Variants in LAMA1 observed in about 807,000 individuals in gnomAD.
LAMA1 encodes the protein laminin subunit alpha 1.
Under a neutral mutation model 348.7 loss-of-function variants are expected in LAMA1, and 219 were observed. The observed-to-expected ratio is 0.63, with a 90% confidence interval of 0.56 to 0.70. The LOEUF is 0.70. Among genes scored for constraint, LAMA1 ranks in the 30% least tolerant of loss-of-function variants. The pLI is 0.00. For missense variants in LAMA1, 3,744 were observed against 3,888.0 expected, an observed-to-expected ratio of 0.96 and a Z score of 0.99; for synonymous variants, 1,487 against 1,491.0, an observed-to-expected ratio of 1.00 and a Z score of 0.06.
chr18:6,979,790 T>A (rs1283800545), intron 42 of LAMA1, among the ~76,000 whole-genome samples: 1 of 151,922 alleles, frequency 6.6e-6, no homozygotes, highest in African/African-American at 2.4e-5. Context: ...TCCCAGCTAC[T>A]CGGGAGGCTG....
chr18:7,017,719 A>G (rs1296547028), intron 19 of LAMA1, among the ~76,000 whole-genome samples: 2 of 152,238 alleles, frequency 1.3e-5, no homozygotes, highest in African/African-American at 4.8e-5. Flanking sequence ...TTTCAAAATC[A>G]ACTTAGCCAT....
At chr18:6,997,365 T>C (rs1184011471) in intron 33 of LAMA1, among the ~76,000 whole-genome samples, 1 of 152,196 alleles carries the variant, frequency 6.6e-6, no homozygotes, top group Admixed American at 6.5e-5. Flanking sequence ...CCACCGTGCC[T>C]GGCCTATTTT....
At position 6,949,345 on chromosome 18, in the gene LAMA1, T is replaced by C. The variant is rs549186705; in HGVS notation, c.8398-86A>G. The C allele has an allele frequency of 1.2e-5, 15 of 1,294,996 alleles. No individual in the cohort carries two copies. In the South Asian group the frequency reaches 1.8e-4, roughly 16 times the overall value. The allele number at this position is 1,294,996 out of a possible 1,614,324, so 80.2% of individuals were successfully genotyped here. Reference sequence around the variant, plus strand: ...TATAAACTTTAACAGATGCAACATCTGTTTCTGAGAGCTATAACAACCTGA... The same window carrying C: ...TATAAACTTTAACAGATGCAACATCCGTTTCTGAGAGCTATAACAACCTGA... On this transcript the variant is annotated intron_variant, in intron 58 of 62. Transcript: ENST00000389658.
rs2057597190 is a variant in LAMA1 at position 6,959,464 on chromosome 18, C to A, written c.7655G>T (p.Gly2552Val). Residue 2552 changes from glycine (G) to valine (V), a missense_variant, in exon 54 of 63, where the codon GGC becomes GTC. This residue lies in a region of LAMA1 where 1,983 missense variants were observed against 1,934.3 expected (regional missense o/e 1.03). Coordinates refer to ENST00000389658, the MANE Select transcript of LAMA1 (RefSeq NM_005559.4). The part of the protein sequence containing the change: ...VPFFSVMLIG[G>V]NIEVHVNPGD... ...AGGATTGACATGTACCTCAATGTTGCCTCCGATCAGCATGACGGAAAAGAA... is the reference window on the plus strand; with the variant it reads ...AGGATTGACATGTACCTCAATGTTGACTCCGATCAGCATGACGGAAAAGAA... The A allele has an allele frequency of 6.2e-7, 1 of 1,614,198 alleles. No homozygotes were observed. Among genetic ancestry groups the A allele is most frequent in the South Asian group, 1.1e-5 (1 of 91,082 alleles).
In LAMA1 at chr18:6,971,841, C is replaced by A; in HGVS notation, c.6899+16G>T. The A allele has an allele frequency of 6.2e-7, 1 of 1,613,964 alleles. No homozygotes were observed. Among genetic ancestry groups the A allele is most frequent in the East Asian group, 2.2e-5 (1 of 44,866 alleles). ...CAGAATAACATACTATGTGCTAAAC[C>A]GTGACGACATCTTACCTTCCGAAGC... On this transcript the variant is annotated intron_variant, in intron 48 of 62. Coordinates refer to ENST00000389658, the MANE Select transcript of LAMA1 (RefSeq NM_005559.4).
intron 3 of LAMA1, among the ~76,000 whole-genome samples, chr18:7,051,498 T>C (rs1598297928): frequency 6.6e-6 from 1 of 152,144 alleles, no homozygotes; most frequent in Non-Finnish European, 1.5e-5. Flanking sequence ...TTGTGAATAA[T>C]CTCCTAGTAG....
Position 7,040,134 on chromosome 18 carries a change from C to A in LAMA1, c.1364G>T (p.Gly455Val). 1 of 1,614,122 alleles carries A rather than the reference C, an allele frequency of 6.2e-7. No homozygotes were observed. Among genetic ancestry groups the A allele is most frequent in the South Asian group, 1.1e-5 (1 of 91,066 alleles). Reference sequence around the variant, plus strand: ...ACTGGCACTGCCCACTGGGTTGCACCCACAGGAGACACAGGTCGGGTAATC... The same window carrying A: ...ACTGGCACTGCCCACTGGGTTGCACACACAGGAGACACAGGTCGGGTAATC... ...YKDYPTCVSC[G>V]CNPVGSASDE... The change falls in exon 10 of 63, where the codon GGG (glycine) becomes GTG (valine). Residue 455 changes from glycine to valine, a missense_variant. Gly to Val is a moderately radical substitution (Grantham distance 109). Transcript: ENST00000389658.
chr18:7,083,957 C>T (rs1049746272), intron 1 of LAMA1, among the ~76,000 whole-genome samples: 18 of 151,060 alleles, frequency 1.2e-4, no homozygotes, highest in Admixed American at 2.0e-4. Flanking sequence ...GCCTGTAATC[C>T]AGCTACTCGG....
chr18:7,024,256 A>T lies in LAMA1; in HGVS notation c.2489+124T>A. ...CATGAAATACTGATTTTTCTCAATGATTCTATGAAATAACAATTATGCATC... is the reference window on the plus strand; with the variant it reads ...CATGAAATACTGATTTTTCTCAATGTTTCTATGAAATAACAATTATGCATC... On this transcript the variant is annotated intron_variant, in intron 18 of 62. Coordinates refer to ENST00000389658, the MANE Select transcript of LAMA1 (RefSeq NM_005559.4). 5.7e-6 allele frequency: 4 copies of T among 704,768 alleles called. No individual in the cohort carries two copies. In the South Asian group the frequency reaches 7.2e-5, roughly 13 times the overall value. The allele number at this position is 704,768 out of a possible 1,614,324, so 43.7% of individuals were successfully genotyped here.
intron 1 of LAMA1, among the ~76,000 whole-genome samples, chr18:7,092,284 CT>C (rs1318744743): frequency 6.6e-6 from 1 of 152,194 alleles, no homozygotes; most frequent in Non-Finnish European, 1.5e-5. Context: ...GTCTCCAATT[CT>C]TTGCCTCACA....
chr18:7,035,873 G>A (rs2057992112), intron 13 of LAMA1, 114 bp downstream of exon 13: 2 of 818,876 alleles, frequency 2.4e-6, no homozygotes, highest in African/African-American at 1.7e-5. Flanking sequence ...CTACTGAATG[G>A]CCACCTGGCC....
chr18:7,000,214 C>T (rs1383338980), intron 30 of LAMA1, among the ~76,000 whole-genome samples: 3 of 152,168 alleles, frequency 2.0e-5, no homozygotes, highest in Admixed American at 6.5e-5. Context: ...ATTCATAAGA[C>T]CCTGTCCAGG....
At chr18:7,007,839 A>G (rs971099718) in intron 28 of LAMA1, among the ~76,000 whole-genome samples, 1 of 152,222 alleles carries the variant, frequency 6.6e-6, no homozygotes, top group Non-Finnish European at 1.5e-5. Context: ...ATGCTACAAC[A>G]TGGATGAGCC....
chr18:7,092,453 A>C (rs1422346644), intron 1 of LAMA1, among the ~76,000 whole-genome samples: 1 of 151,774 alleles, frequency 6.6e-6, no homozygotes, highest in Admixed American at 6.6e-5. Context: ...GTGAAACCCC[A>C]TTTCTACTAA....
At chr18:6,997,327 G>T (rs903419751) in intron 33 of LAMA1, among the ~76,000 whole-genome samples, 4 of 152,208 alleles carry the variant, frequency 2.6e-5, no homozygotes, top group Admixed American at 6.5e-5. Flanking sequence ...CCCCCAAAGT[G>T]CTGGGATGCT....
Position 7,042,144 on chromosome 18 carries a change from C to G in LAMA1, c.1261+1G>C, listed in dbSNP as rs1274734630. 1 of 1,596,844 alleles carries G rather than the reference C, an allele frequency of 6.3e-7. No homozygotes were observed. The highest frequency in any genetic ancestry group is 1.3e-5 in the African/African-American group (1 of 74,514). ...AGCACAAAAGTGAATCAAGTACTTA[C>G]CATTGTGTAAGTCAGAATGGAGGTC... On this transcript the variant is annotated splice_donor_variant, in intron 9 of 62. Coordinates refer to ENST00000389658, the MANE Select transcript of LAMA1 (RefSeq NM_005559.4). LOFTEE classifies it high-confidence loss of function.
chr18:7,040,154 G>A lies in LAMA1; in HGVS notation c.1344C>T (p.Tyr448=), dbSNP rs750201597. The A allele has an allele frequency of 1.2e-6, 2 of 1,614,102 alleles. No individual in the cohort carries two copies. Among genetic ancestry groups the A allele is most frequent in the South Asian group, 1.1e-5 (1 of 91,070 alleles). Residue 448 remains tyrosine (Y), a synonymous_variant, in exon 10 of 63, where the codon TAC becomes TAT. Transcript: ENST00000389658. The part of the protein sequence containing the change: ...CDRCQLGYKD[Y]PTCVSCGCNP... ...TGCACCCACAGGAGACACAGGTCGGGTAATCCTTATAGCCAAGTTGGCAGC... is the reference window on the plus strand; with the variant it reads ...TGCACCCACAGGAGACACAGGTCGGATAATCCTTATAGCCAAGTTGGCAGC...
At chr18:7,029,994 A>G (rs926165909) in intron 16 of LAMA1, among the ~76,000 whole-genome samples, 1 of 151,662 alleles carries the variant, frequency 6.6e-6, no homozygotes, top group Non-Finnish European at 1.5e-5. Flanking sequence ...AAAAACCAGC[A>G]AGGTTAGATT....
At chr18:7,095,409 C>T (rs1379622106) in intron 1 of LAMA1, among the ~76,000 whole-genome samples, 2 of 152,122 alleles carry the variant, frequency 1.3e-5, no homozygotes, top group Admixed American at 1.3e-4. Flanking sequence ...CACTACACCC[C>T]CCACTATGAT....
Sources: gnomAD v4.1 joint callset for allele counts (sites outside exome capture counted in the v4.1 genomes callset) on GRCh38, gnomAD v4.1.1 for gene constraint, gnomAD v4.1.1 regional missense constraint, MANE v1.5 for transcripts, NCBI Gene and HGNC (gene_info 2026-07-23, HGNC 2026-07-21) for gene names.